The following RAPGEF6 variants were observed in gnomAD, a reference collection of about 807,000 sequenced individuals.
The protein encoded by RAPGEF6 is Rap guanine nucleotide exchange factor 6, also known as PDZ domain containing guanine nucleotide exchange factor (GEF) 2.
A neutral mutation model predicts 171.4 loss-of-function variants in RAPGEF6; 56 were observed. That is an observed-to-expected ratio of 0.33 (90% CI 0.26 to 0.41). The LOEUF is 0.41. Ranked by LOEUF, RAPGEF6 falls within the 10% of genes least tolerant of loss-of-function variation. RAPGEF6 has a pLI of 1.00. For synonymous variants in RAPGEF6, 692 were observed against 650.1 expected, an observed-to-expected ratio of 1.06 and a Z score of -0.98; for missense variants, 1,674 against 1,921.4, an observed-to-expected ratio of 0.87 and a Z score of 2.41.
intron 17 of RAPGEF6, 99 bp from the exon 18 acceptor site, chr5:131,464,380 A>T: frequency 1.2e-6 from 1 of 829,208 alleles, no homozygotes; most frequent in South Asian, 1.5e-5. Flanking sequence ...CTGAACACTG[A>T]AATATACATT....
At chr5:131,565,427 G>C (rs1403603548) in intron 4 of RAPGEF6, among the ~76,000 whole-genome samples, 2 of 152,118 alleles carry the variant, frequency 1.3e-5, no homozygotes, top group Non-Finnish European at 1.5e-5. Flanking sequence ...AATTCTCTCC[G>C]AAGTGTTCTA....
At chr5:131,468,756 G>C (rs896339367) in intron 17 of RAPGEF6, among the ~76,000 whole-genome samples, 2 of 152,040 alleles carry the variant, frequency 1.3e-5, no homozygotes, top group Non-Finnish European at 2.9e-5. Context: ...GAGTAAACAC[G>C]AGCTCGACGA....
At chr5:131,627,200 T>C (rs1478343793) in intron 1 of RAPGEF6, among the ~76,000 whole-genome samples, 1 of 152,222 alleles carries the variant, frequency 6.6e-6, no homozygotes, top group East Asian at 1.9e-4. Flanking sequence ...GGAATAATGA[T>C]GGCTCAATTT....
At chr5:131,465,499 T>C (rs1754273211) in intron 17 of RAPGEF6, among the ~76,000 whole-genome samples, 1 of 152,102 alleles carries the variant, frequency 6.6e-6, no homozygotes. Flanking sequence ...AAATTAGGAA[T>C]ACAGGCTGGG....
chr5:131,469,998 T>C (rs1280850679), intron 17 of RAPGEF6, among the ~76,000 whole-genome samples: 2 of 152,180 alleles, frequency 1.3e-5, no homozygotes, highest in African/African-American at 2.4e-5. Flanking sequence ...TCCTATAATA[T>C]ACATATGTGA....
At chr5:131,551,130 G>C (rs1760895896) in intron 5 of RAPGEF6, among the ~76,000 whole-genome samples, 1 of 152,110 alleles carries the variant, frequency 6.6e-6, no homozygotes, top group Non-Finnish European at 1.5e-5. Flanking sequence ...CCATATACCA[G>C]AAACTGCAGC....
chr5:131,530,584 C>T (rs1230792861), intron 6 of RAPGEF6, among the ~76,000 whole-genome samples: 2 of 152,126 alleles, frequency 1.3e-5, no homozygotes, highest in East Asian at 3.9e-4. Flanking sequence ...GTCAAAATTT[C>T]ATCAACAGTA....
intron 6 of RAPGEF6, among the ~76,000 whole-genome samples, chr5:131,525,402 C>G (rs1758808066): frequency 6.6e-6 from 1 of 152,036 alleles, no homozygotes; most frequent in Non-Finnish European, 1.5e-5. Flanking sequence ...GTAAACAATC[C>G]TCTATTGAAA....
chr5:131,504,253 G>A (rs1757203668), intron 11 of RAPGEF6, among the ~76,000 whole-genome samples: 1 of 152,096 alleles, frequency 6.6e-6, no homozygotes, highest in African/African-American at 2.4e-5. Context: ...CACAGGGTCA[G>A]GAGTTCAAGA....
intron 1 of RAPGEF6, among the ~76,000 whole-genome samples, chr5:131,612,494 T>C (rs758947668): frequency 2.6e-5 from 4 of 152,148 alleles, no homozygotes; most frequent in Non-Finnish European, 4.4e-5. Context: ...GGTTGTATTA[T>C]GATATAACCC....
intron 4 of RAPGEF6, among the ~76,000 whole-genome samples, chr5:131,579,161 T>C (rs1762777957): frequency 6.6e-6 from 1 of 152,110 alleles, no homozygotes; most frequent in Admixed American, 6.5e-5. Context: ...CCTCTGGAGT[T>C]GTTCGCTCCT....
chr5:131,473,995 G>A (rs1323887059), intron 16 of RAPGEF6, among the ~76,000 whole-genome samples: 36 of 152,150 alleles, frequency 2.4e-4, no homozygotes, highest in Admixed American at 2.4e-3. Context: ...GCTACTAGCT[G>A]CTTGACTTCA....
At chr5:131,633,480 A>G (rs1484061111) in intron 1 of RAPGEF6, among the ~76,000 whole-genome samples, 1 of 152,246 alleles carries the variant, frequency 6.6e-6, no homozygotes, top group African/African-American at 2.4e-5. Flanking sequence ...CTGTAATTCC[A>G]GCACTTTGGG....
At chr5:131,621,390 T>C (rs977339348) in intron 1 of RAPGEF6, among the ~76,000 whole-genome samples, 1 of 152,040 alleles carries the variant, frequency 6.6e-6, no homozygotes, top group African/African-American at 2.4e-5. Context: ...CCTGGGCTCA[T>C]GCGATCCTCT....
In RAPGEF6 at chr5:131,469,763, CA is replaced by C. The variant is rs1459360272; in HGVS notation, c.2239+2823del. On this transcript the variant is annotated intron_variant, in intron 17 of 27. Transcript: ENST00000509018. ...AAAATAACAAAATAATACATACAAA[CA>C]AGGGCAATAGAATACTACAGTCTTT... The C allele has an allele frequency of 3.5e-6, 5 of 1,409,248 alleles. No homozygotes were observed. The Admixed American group carries it at 1.2e-4, about 33-fold the overall frequency. 87.3% of individuals were successfully genotyped at this position (1,409,248 alleles called of 1,614,324 possible).
intron 24 of RAPGEF6, among the ~76,000 whole-genome samples, chr5:131,438,666 A>T (rs932085477): frequency 3.3e-5 from 5 of 152,196 alleles, no homozygotes; most frequent in African/African-American, 4.8e-5. Flanking sequence ...TGTGCAGCTA[A>T]CATGAAATGG....
intron 24 of RAPGEF6, chr5:131,436,208 T>C: frequency 6.5e-7 from 1 of 1,537,650 alleles, no homozygotes; most frequent in Non-Finnish European, 8.7e-7. Flanking sequence ...TTTCTGGTTG[T>C]GTTCTCACAA....
rs944250891 is a variant in RAPGEF6 at position 131,474,198 on chromosome 5, C to G, written c.2082-1454G>C. Among the ~76,000 whole-genome samples the G allele has an allele frequency of 1.3e-5, 2 of 152,216 alleles. 1 individual carries two copies. The highest frequency in any genetic ancestry group is 2.9e-5 in the Non-Finnish European group (2 of 68,040). On this transcript the variant is annotated intron_variant, in intron 16 of 27. Coordinates refer to ENST00000509018, the MANE Select transcript of RAPGEF6 (RefSeq NM_016340.6). The stretch of plus-strand genomic sequence containing the variant: ...ATGAGAATAGGGCGGGGCACATTGG[C>G]TCACCCCTGCAATCCCAGCACTTTG...
At chr5:131,472,150 C>A (rs1264300735) in intron 17 of RAPGEF6, 10 of 221,890 alleles carry the variant, frequency 4.5e-5, no homozygotes, top group Non-Finnish European at 8.2e-5. Context: ...CGGCTCACTG[C>A]AAGCTCTGCC....
Sources: allele counts gnomAD v4.1 joint callset (sites outside exome capture counted in the v4.1 genomes callset), GRCh38; gene constraint gnomAD v4.1.1; transcripts MANE v1.5; gene names NCBI Gene and HGNC (gene_info 2026-07-23, HGNC 2026-07-21).